Variants in GALNTL6 observed in about 807,000 individuals in gnomAD.
GALNTL6 encodes polypeptide N-acetylgalactosaminyltransferase-like 6.
GALNTL6 carries 46 observed loss-of-function variants against 73.7 expected under a neutral mutation model. The observed-to-expected ratio is 0.62, with a 90% CI of 0.49 to 0.80. The LOEUF is 0.80. GALNTL6 is among the 30% of genes least tolerant of loss of function. The probability of loss-of-function intolerance (pLI) is 0.00; values close to 1 mark genes in which losing one functional copy is unlikely to be tolerated. For synonymous variants in GALNTL6, 259 were observed against 263.7 expected, an observed-to-expected ratio of 0.98 and a Z score of 0.17; for missense variants, 604 against 755.0, an observed-to-expected ratio of 0.80 and a Z score of 2.34.
chr4:172,937,723 G>A (rs1383432657), intron 9 of GALNTL6, among the ~76,000 whole-genome samples: 1 of 152,152 alleles, frequency 6.6e-6, no homozygotes, highest in East Asian at 1.9e-4. Context: ...ACACCATGCA[G>A]CAGTAATCCA....
At chr4:172,132,651 A>G (rs1174920534) in intron 2 of GALNTL6, among the ~76,000 whole-genome samples, 2 of 152,160 alleles carry the variant, frequency 1.3e-5, no homozygotes, top group African/African-American at 4.8e-5. Context: ...AAACAAAGCC[A>G]AAAAACTCTA....
chr4:172,044,395 A>G (rs1032607216), intron 2 of GALNTL6, among the ~76,000 whole-genome samples: 4 of 151,958 alleles, frequency 2.6e-5, no homozygotes, highest in African/African-American at 9.7e-5. Context: ...TCATTTGTTT[A>G]TATTTTTGGT....
chr4:172,959,962 A>C (rs2126373561), intron 10 of GALNTL6, among the ~76,000 whole-genome samples: 1 of 152,258 alleles, frequency 6.6e-6, no homozygotes, highest in African/African-American at 2.4e-5. Context: ...GCAACTCAGA[A>C]ATACATTGCT....
intron 5 of GALNTL6, among the ~76,000 whole-genome samples, chr4:172,488,054 A>G (rs1733762160): frequency 6.6e-6 from 1 of 152,184 alleles, no homozygotes; most frequent in Admixed American, 6.5e-5. Flanking sequence ...TCAAGTTGTC[A>G]TGAAAATTCA....
chr4:171,866,742 C>T (rs541771702), intron 2 of GALNTL6, among the ~76,000 whole-genome samples: 2 of 152,172 alleles, frequency 1.3e-5, no homozygotes, highest in African/African-American at 4.8e-5. Context: ...CTGCTGACTT[C>T]AGTCTGTTGT....
rs374712486 is a variant in GALNTL6, at chr4:172,097,693, A to G, written c.139-131963A>G. 3.3e-4 allele frequency among the ~76,000 whole-genome samples: 50 copies of G among 152,356 alleles called. 1 individual carries two copies. The highest frequency in any genetic ancestry group is 6.6e-4 in the Non-Finnish European group (45 of 68,034). On this transcript the variant is annotated intron_variant, in intron 2 of 12. Transcript: ENST00000506823. ...AAGTCATTGTTTGTTGAGCAACCAC[A>G]GTAACCATCAACTGCCTACCTTCAC...
At position 173,021,652 on chromosome 4, in the gene GALNTL6, C is replaced by T. The variant is rs375063058; in HGVS notation, c.1638+27C>T. The T allele has an allele frequency of 7.5e-6, 12 of 1,608,820 alleles. No individual in the cohort carries two copies. The African/African-American group carries it at 1.2e-4, about 16-fold the overall frequency. ...TAAGAGTCAGTCCACTGTGGTCATT[C>T]TCAAATTACTGTGGTTTAAGTTATT... On this transcript the variant is annotated intron_variant, in intron 12 of 12. Coordinates refer to ENST00000506823, the MANE Select transcript of GALNTL6 (RefSeq NM_001034845.3).
intron 8 of GALNTL6, among the ~76,000 whole-genome samples, chr4:172,915,640 A>G (rs751420788): frequency 3.3e-5 from 5 of 152,232 alleles, no homozygotes; most frequent in Non-Finnish European, 7.3e-5. Flanking sequence ...ATAAACTAGA[A>G]TATCTAGAAG....
chr4:173,002,525 T>A (rs988291437), intron 10 of GALNTL6, among the ~76,000 whole-genome samples: 6 of 151,836 alleles, frequency 4.0e-5, no homozygotes, highest in Non-Finnish European at 7.4e-5. Flanking sequence ...TCGGGCATGG[T>A]GGCTCACACC....
chr4:172,650,343 A>G (rs1740419828), intron 5 of GALNTL6, among the ~76,000 whole-genome samples: 1 of 152,250 alleles, frequency 6.6e-6, no homozygotes, highest in South Asian at 2.1e-4. Flanking sequence ...TCATATATAA[A>G]TAAATAGATA....
At chr4:172,141,255 A>G (rs1477881501) in intron 2 of GALNTL6, among the ~76,000 whole-genome samples, 3 of 152,028 alleles carry the variant, frequency 2.0e-5, no homozygotes, top group Non-Finnish European at 4.4e-5. Flanking sequence ...AGATTTTTCC[A>G]TCAATTCGAA....
intron 2 of GALNTL6, among the ~76,000 whole-genome samples, chr4:172,132,670 T>G (rs1012869162): frequency 7.2e-5 from 11 of 152,184 alleles, no homozygotes; most frequent in African/African-American, 2.7e-4. Context: ...TATTTGTGTT[T>G]TTACTAGATA....
intron 10 of GALNTL6, among the ~76,000 whole-genome samples, chr4:172,992,593 T>C (rs1279583776): frequency 6.6e-6 from 1 of 152,186 alleles, no homozygotes; most frequent in Non-Finnish European, 1.5e-5. Context: ...ACACACAACA[T>C]ATATGAATAC....
chr4:172,169,136 CTT>C (rs1335159056), intron 2 of GALNTL6, among the ~76,000 whole-genome samples: 1 of 152,188 alleles, frequency 6.6e-6, no homozygotes, highest in African/African-American at 2.4e-5. Context: ...AAGTAGTTGA[CTT>C]GTCGTGTAGG....
At position 172,809,288 on chromosome 4, in the gene GALNTL6, C is replaced by T; in HGVS notation, c.554-73C>T. ...TCATCAGTCACATACTCTCTATGCACAAACAACCGTGAATAATTCAGCTGC... is the reference window on the plus strand; with the variant it reads ...TCATCAGTCACATACTCTCTATGCATAAACAACCGTGAATAATTCAGCTGC... On this transcript the variant is annotated intron_variant, in intron 5 of 12. Transcript: ENST00000506823. This position sits in a 1 kb window ranked among gnomAD's most constrained non-coding sequence, Gnocchi z 4.4. 1 of 1,264,628 alleles carries T rather than the reference C, an allele frequency of 7.9e-7. No individual in the cohort carries two copies. The allele number at this position is 1,264,628 out of a possible 1,614,324, so 78.3% of individuals were successfully genotyped here.
intron 2 of GALNTL6, among the ~76,000 whole-genome samples, chr4:172,189,786 C>T (rs1199696631): frequency 1.3e-5 from 2 of 151,696 alleles, no homozygotes; most frequent in African/African-American, 4.8e-5. Context: ...TTGTCTGTTT[C>T]CTAATTTGAA....
At chr4:172,853,930 T>C (rs1236572497) in intron 7 of GALNTL6, among the ~76,000 whole-genome samples, 2 of 152,196 alleles carry the variant, frequency 1.3e-5, no homozygotes, top group Non-Finnish European at 2.9e-5. Flanking sequence ...TCTATGTTTT[T>C]ATGTTTTTGT....
intron 3 of GALNTL6, among the ~76,000 whole-genome samples, chr4:172,252,534 G>T (rs999400372): frequency 3.9e-5 from 6 of 152,002 alleles, no homozygotes; most frequent in Non-Finnish European, 7.4e-5. Context: ...TATAGCTAAA[G>T]ATAAAGAAAT....
intron 7 of GALNTL6, among the ~76,000 whole-genome samples, chr4:172,815,315 TAAATGTAA>T (rs1741537451): frequency 6.6e-6 from 1 of 152,214 alleles, no homozygotes; most frequent in African/African-American, 2.4e-5. Context: ...TAAAACGTTT[TAAATGTAA>T]AAATTTTTAA....
Sources: gnomAD v4.1 joint callset for allele counts (sites outside exome capture counted in the v4.1 genomes callset) on GRCh38, gnomAD v4.1.1 for gene constraint, Gnocchi (gnomAD v3.1) non-coding constraint, MANE v1.5 for transcripts, NCBI Gene and HGNC (gene_info 2026-07-23, HGNC 2026-07-21) for gene names.